CABYR: variants seen among roughly 807,000 people sequenced by gnomAD.
The protein encoded by CABYR is calcium binding tyrosine phosphorylation regulated.
A neutral mutation model predicts 36.1 loss-of-function variants in CABYR; 31 were observed. The ratio of observed to expected loss-of-function variants is 0.86; its 90% confidence interval spans 0.64 to 1.16. The LOEUF is 1.16. Among genes scored for constraint, CABYR ranks in the 50% most tolerant of loss-of-function variants. CABYR has a pLI of 0.00. For missense variants in CABYR, 429 were observed against 455.8 expected (o/e 0.94, Z 0.53); for synonymous variants, 146 against 160.7 (o/e 0.91, Z 0.69).
rs1257121273 is a variant in CABYR, at chr18:24,159,784, C to G, written c.854C>G (p.Ser285Ter). 6.2e-7 allele frequency: 1 copy of G among 1,613,970 alleles called. No homozygotes were observed. The highest frequency in any genetic ancestry group is 8.5e-7 in the Non-Finnish European group (1 of 1,180,034). ...CCTGGACATGCTGTCGTTTCACAGT[C>G]AGATGTCTTGAGATATGTTGCAATG... ...PLPGHAVVSQ[S>*]DVLRYVAMQV... Residue 285 changes from serine to a stop codon, truncating the protein, a stop_gained, in exon 5 of 6, where the codon TCA (serine) becomes TGA (stop). Coordinates refer to ENST00000399496, the MANE Select transcript of CABYR (RefSeq NM_153769.3). LOFTEE classifies it high-confidence loss of function.
At chr18:24,150,483 G>C in intron 3 of CABYR, 7 of 459,792 alleles carry the variant, frequency 1.5e-5, no homozygotes, top group Non-Finnish European at 2.0e-5. Context: ...TCAATCATCT[G>C]CCTGTATCCT....
intron 3 of CABYR, among the ~76,000 whole-genome samples, chr18:24,154,192 C>T (rs922577028): frequency 2.0e-5 from 3 of 150,394 alleles, no homozygotes; most frequent in African/African-American, 7.3e-5. Flanking sequence ...TACTTTTTAA[C>T]CTATATTTGT....
At chr18:24,143,037 A>C (rs1037184554) in intron 1 of CABYR, 54 bp from the exon 2 acceptor site, 171 of 1,333,514 alleles carry the variant, frequency 1.3e-4, no homozygotes, top group Admixed American at 5.1e-4. Flanking sequence ...AAAAAAAAAA[A>C]AAAAACCTAT....
chr18:24,155,623 A>G, intron 3 of CABYR, 78 bp from the exon 4 acceptor site: 1 of 1,103,244 alleles, frequency 9.1e-7, no homozygotes, highest in Non-Finnish European at 1.3e-6. Context: ...CATCCCTATT[A>G]TTGCCTTCTT....
At chr18:24,156,939 A>T in intron 4 of CABYR, 3 of 1,612,280 alleles carry the variant, frequency 1.9e-6, no homozygotes, top group East Asian at 4.5e-5. Context: ...AGAAGGCCTT[A>T]CTGCACCAGA....
At chr18:24,156,568 C>T in intron 4 of CABYR, 1 of 1,614,142 alleles carries the variant, frequency 6.2e-7, no homozygotes, top group South Asian at 1.1e-5. Flanking sequence ...TCTGGCATGT[C>T]TAAAAAATCT....
At chr18:24,152,191 A>G (rs190269814) in intron 3 of CABYR, among the ~76,000 whole-genome samples, 5 of 152,360 alleles carry the variant, frequency 3.3e-5, no homozygotes, top group Non-Finnish European at 7.3e-5. Context: ...TTAATTTGAT[A>G]TCACATTTTC....
chr18:24,156,425 T>C (rs772256584), intron 4 of CABYR: 1 of 1,614,228 alleles, frequency 6.2e-7, no homozygotes, highest in South Asian at 1.1e-5. Context: ...GAGTTGTTTA[T>C]ATCGAGCAAC....
rs869093855 is a variant in CABYR, at chr18:24,143,898, G to GT, written c.199+497dup. ...AGTTGTATAAATACTTTGTTGGAAG[G>GT]TTTTTTTTTTTTCCTTTGCAATGGA... On this transcript the variant is annotated intron_variant, in intron 3 of 5. Transcript: ENST00000399496. Among the ~76,000 whole-genome samples, 943 of 143,298 alleles carry GT rather than the reference G, an allele frequency of 6.6e-3. 10 individuals are homozygous for GT. Among genetic ancestry groups the GT allele is most frequent in the African/African-American group, 0.019 (746 of 39,246 alleles). 94.0% of individuals were successfully genotyped at this position (143,298 alleles called of 152,430 possible).
intron 5 of CABYR, chr18:24,160,656 A>G (rs986208867): frequency 2.0e-5 from 3 of 153,472 alleles, no homozygotes; most frequent in African/African-American, 7.2e-5. Flanking sequence ...CTCCTCCCCT[A>G]TGTGTGGACA....
rs1385798892 is a variant in CABYR at position 24,143,251 on chromosome 18, T to C, written c.137T>C (p.Met46Thr). 6.2e-6 allele frequency: 10 copies of C among 1,607,806 alleles called. No homozygotes were observed. Among genetic ancestry groups the C allele is most frequent in the East Asian group, 2.2e-5 (1 of 44,852 alleles). ...GCAGCTTATTTTCAAGAACTTACTA[T>C]GTATAGAGGTTTGTTATTCCTTTAT... ...FAAAYFQELT[M>T]YRGNTTMDIK... The change falls in exon 2 of 6, where the codon ATG (methionine) becomes ACG (threonine). Residue 46 changes from methionine (M) to threonine (T), a missense_variant. Coordinates refer to ENST00000399496, the MANE Select transcript of CABYR (RefSeq NM_153769.3).
chr18:24,159,948 G>A lies in CABYR; in HGVS notation c.1018G>A (p.Asp340Asn). 6.2e-7 allele frequency: 1 copy of A among 1,614,148 alleles called. No individual in the cohort carries two copies. Among genetic ancestry groups the A allele is most frequent in the Non-Finnish European group, 8.5e-7 (1 of 1,180,032 alleles). Residue 340 changes from aspartate (D) to asparagine (N), a missense_variant, in exon 5 of 6, where the codon GAT becomes AAT. Coordinates refer to ENST00000399496, the MANE Select transcript of CABYR (RefSeq NM_153769.3). The stretch of plus-strand genomic sequence containing the variant: ...CCTTTCTGTTGCTTTCCCAGTAGAA[G>A]ATGTAGCTAAAAAAAGTTCAGGATC... ...VFLSVAFPVE[D>N]VAKKSSGSGD...
intron 3 of CABYR, among the ~76,000 whole-genome samples, chr18:24,149,273 G>A (rs1394894367): frequency 6.6e-6 from 1 of 151,630 alleles, no homozygotes; most frequent in Non-Finnish European, 1.5e-5. Context: ...TACAATCCCT[G>A]AGCTAGACAT....
intron 5 of CABYR, 35 bp downstream of exon 5, chr18:24,160,104 TAACACACGCGCGTTTTA>T (rs2085912289): frequency 1.5e-6 from 2 of 1,330,556 alleles, no homozygotes; most frequent in African/African-American, 2.9e-5. Context: ...ATTTAGGCCT[TAACACACGCGCGTTTTA>T]AGCATTTTGA....
chr18:24,149,015 G>T (rs997100990), intron 3 of CABYR, among the ~76,000 whole-genome samples: 3 of 152,124 alleles, frequency 2.0e-5, no homozygotes, highest in African/African-American at 4.8e-5. Context: ...TTGGTAGAGC[G>T]GAGTAGTCTG....
chr18:24,153,756 T>C lies in CABYR; in HGVS notation c.200-1945T>C, dbSNP rs374987075. Among the ~76,000 whole-genome samples the C allele has an allele frequency of 3.2e-3, 490 of 152,228 alleles. 2 individuals carry two copies. Among genetic ancestry groups the C allele is most frequent in the African/African-American group, 0.012 (480 of 41,542 alleles). ...GTTGTTATGATGGAAACAATGTATT[T>C]TGTAGCTTTCTATATCCTAAGCATA... On this transcript the variant is annotated intron_variant, in intron 3 of 5. Coordinates refer to ENST00000399496, the MANE Select transcript of CABYR (RefSeq NM_153769.3).
At chr18:24,155,021 C>CTAGA (rs1447710464) in intron 3 of CABYR, among the ~76,000 whole-genome samples, 2 of 152,152 alleles carry the variant, frequency 1.3e-5, no homozygotes, top group African/African-American at 4.8e-5. Flanking sequence ...TCCTATAGTC[C>CTAGA]TCTAGCTTAT....
At chr18:24,150,024 G>A (rs2085578688) in intron 3 of CABYR, among the ~76,000 whole-genome samples, 1 of 152,274 alleles carries the variant, frequency 6.6e-6, no homozygotes, top group Non-Finnish European at 1.5e-5. Context: ...TGGGCTGAAG[G>A]GCTCAAGTGC....
At chr18:24,156,085 T>C (rs754453374) in intron 4 of CABYR, 43 bp downstream of exon 4, 6 of 1,614,198 alleles carry the variant, frequency 3.7e-6, no homozygotes, top group Non-Finnish European at 5.1e-6. Flanking sequence ...GATGTGTTAA[T>C]GGTGGATGTG....
Sources: allele counts gnomAD v4.1 joint callset (sites outside exome capture counted in the v4.1 genomes callset), GRCh38; gene constraint gnomAD v4.1.1; transcripts MANE v1.5; gene names NCBI Gene and HGNC (gene_info 2026-07-23, HGNC 2026-07-21).